The following C20orf203 variants were observed in gnomAD, a reference collection of about 807,000 sequenced individuals.
The protein encoded by C20orf203 is uncharacterized protein C20orf203.
In C20orf203, 16 loss-of-function variants were observed where a neutral mutation model predicts 15.9. The observed-to-expected ratio is 1.01, with a 90% CI of 0.68 to 1.53. The LOEUF is 1.53. Ranked by LOEUF, C20orf203 falls within the 40% of genes most tolerant of loss-of-function variation. The probability of loss-of-function intolerance (pLI) is 0.00; values close to 1 mark genes in which losing one functional copy is unlikely to be tolerated. For synonymous variants in C20orf203, 98 were observed against 97.2 expected (o/e 1.01, Z -0.05); for missense variants, 263 against 247.5 (o/e 1.06, Z -0.42).
At chr20:32,669,593 A>G (rs912565973) in intron 1 of C20orf203, among the ~76,000 whole-genome samples, 27 of 152,218 alleles carry the variant, frequency 1.8e-4, no homozygotes, top group Non-Finnish European at 3.2e-4. Context: ...ATGGTGCTGG[A>G]AAAACTGGAT....
intron 1 of C20orf203, among the ~76,000 whole-genome samples, chr20:32,656,048 G>C (rs112085225): frequency 1.1e-4 from 17 of 152,278 alleles, no homozygotes; most frequent in African/African-American, 4.1e-4. Flanking sequence ...TGCTCACACT[G>C]GCTCCCCTTT....
intron 1 of C20orf203, among the ~76,000 whole-genome samples, chr20:32,653,260 T>C (rs1405723725): frequency 6.6e-6 from 1 of 152,150 alleles, no homozygotes; most frequent in Non-Finnish European, 1.5e-5. Context: ...CTGCCTACAG[T>C]TGCACAGCCA....
intron 4 of C20orf203, among the ~76,000 whole-genome samples, chr20:32,647,977 T>TA (rs1449466886): frequency 6.6e-6 from 1 of 152,182 alleles, no homozygotes; most frequent in South Asian, 2.1e-4. Context: ...CTAGGCAAGC[T>TA]AACCCCTACC....
chr20:32,653,025 G>T (rs527477840), intron 1 of C20orf203, among the ~76,000 whole-genome samples: 1 of 152,314 alleles, frequency 6.6e-6, no homozygotes, highest in East Asian at 1.9e-4. Flanking sequence ...AGCAGCTCCT[G>T]GAAAATAGGC....
chr20:32,652,912 A>G (rs1982670863), intron 1 of C20orf203, among the ~76,000 whole-genome samples: 1 of 152,146 alleles, frequency 6.6e-6, no homozygotes, highest in Non-Finnish European at 1.5e-5. Context: ...GTGCTAGGTC[A>G]CTGGCCTTGG....
intron 1 of C20orf203, among the ~76,000 whole-genome samples, chr20:32,667,736 T>C (rs1250887256): frequency 6.6e-6 from 1 of 152,158 alleles, no homozygotes; most frequent in African/African-American, 2.4e-5. Context: ...AGTGGGGCAA[T>C]CTCGGCTCAC....
chr20:32,663,342 G>A (rs1982941410), intron 1 of C20orf203, among the ~76,000 whole-genome samples: 1 of 151,688 alleles, frequency 6.6e-6, no homozygotes, highest in African/African-American at 2.4e-5. Context: ...AAAAAAGAAT[G>A]GCTAAATAAA....
At chr20:32,638,223 A>G (rs1164422527) in intron 5 of C20orf203, among the ~76,000 whole-genome samples, 1 of 152,188 alleles carries the variant, frequency 6.6e-6, no homozygotes, top group African/African-American at 2.4e-5. Context: ...CATGGCCAAC[A>G]TATATTGAAC....
chr20:32,663,316 A>C (rs986965724), intron 1 of C20orf203, among the ~76,000 whole-genome samples: 4 of 151,286 alleles, frequency 2.6e-5, no homozygotes, highest in Non-Finnish European at 1.5e-5. Flanking sequence ...AGTCAAAATA[A>C]GAGAATGAGA....
At chr20:32,643,625 C>CCACACACACACACACA (rs56325748) in intron 4 of C20orf203, among the ~76,000 whole-genome samples, 2 of 140,742 alleles carry the variant, frequency 1.4e-5, no homozygotes, top group Admixed American at 7.2e-5. Flanking sequence ...CTTCCTGGAA[C>CCACACACACACACACA]CACACACACA....
intron 1 of C20orf203, among the ~76,000 whole-genome samples, chr20:32,670,796 C>T (rs1002166583): frequency 1.3e-5 from 2 of 152,026 alleles, no homozygotes; most frequent in African/African-American, 2.4e-5. Context: ...CTCACCATTG[C>T]ATTCCAGCCT....
chr20:32,658,779 G>A (rs532425840), intron 1 of C20orf203, among the ~76,000 whole-genome samples: 1 of 152,242 alleles, frequency 6.6e-6, no homozygotes, highest in South Asian at 2.1e-4. Flanking sequence ...GGGAGATGGA[G>A]CAGGAGAAGA....
Position 32,648,428 on chromosome 20 carries a change from C to CTTTTTTTTTT in C20orf203, c.*1177+817_*1177+826dup, listed in dbSNP as rs56838832. On this transcript the variant is annotated intron_variant, in intron 4 of 5. Transcript: ENST00000608990. Reference sequence around the variant, plus strand: ...GGCACTAACCATTGCCTGAAACTGTCTTTTTTTTTTTTTTTTTTTTTTTTT... The same window carrying CTTTTTTTTTT: ...GGCACTAACCATTGCCTGAAACTGTCTTTTTTTTTTTTTTTTTTTTTTTTTTTTTTTTTTT... 7.5e-5 allele frequency among the ~76,000 whole-genome samples: 6 copies of CTTTTTTTTTT among 80,392 alleles called. 1 individual carries two copies. Among genetic ancestry groups the CTTTTTTTTTT allele is most frequent in the African/African-American group, 3.0e-4 (6 of 20,216 alleles). 52.7% of individuals were successfully genotyped at this position (80,392 alleles called of 152,430 possible).
intron 1 of C20orf203, among the ~76,000 whole-genome samples, chr20:32,660,291 A>G (rs1432551946): frequency 6.6e-6 from 1 of 152,188 alleles, no homozygotes; most frequent in African/African-American, 2.4e-5. Flanking sequence ...CAGCAGGAGA[A>G]AGGACACTGA....
rs918083481 is a variant in C20orf203 at position 32,652,624 on chromosome 20, C to T, written c.-263-643G>A. Among the ~76,000 whole-genome samples, 4 of 151,460 alleles carry T rather than the reference C, an allele frequency of 2.6e-5. No individual in the cohort carries two copies. In the South Asian group the frequency reaches 6.3e-4, roughly 24 times the overall value. ...TCTATCCTGGAGGTATCTAGGAGTC[C>T]CGGATGCTGTGGTTTTTGGAGACTA... On this transcript the variant is annotated intron_variant, in intron 1 of 5. Transcript: ENST00000608990.
chr20:32,670,079 G>A (rs1430773697), intron 1 of C20orf203, among the ~76,000 whole-genome samples: 10 of 152,162 alleles, frequency 6.6e-5, no homozygotes, highest in Non-Finnish European at 1.3e-4. Context: ...GCGTGTGCCT[G>A]TAATCCCATA....
intron 4 of C20orf203, among the ~76,000 whole-genome samples, chr20:32,646,078 C>G (rs1369580131): frequency 6.6e-6 from 1 of 151,568 alleles, no homozygotes; most frequent in Non-Finnish European, 1.5e-5. Context: ...CTTAACCTGT[C>G]TGTGTCTCTG....
chr20:32,664,977 C>T (rs1273226854), intron 1 of C20orf203, among the ~76,000 whole-genome samples: 1 of 152,226 alleles, frequency 6.6e-6, no homozygotes, highest in African/African-American at 2.4e-5. Context: ...GCTGCCCCAG[C>T]AAAGCCCAAA....
In C20orf203 at chr20:32,651,168, T is replaced by TA. The variant is rs11313159; in HGVS notation, c.-14-3dup. ...TAGGAAACATAGGAGACCCTCTCTC[T>TA]AAAAAAAAAAAAAAAAAAAAAAAAA... On this transcript the variant is annotated splice_polypyrimidine_tract_variant and splice_region_variant and intron_variant, in intron 2 of 5. Transcript: ENST00000608990. The TA allele has an allele frequency of 0.029, 8,706 of 295,178 alleles. 98 individuals carry two copies. The highest frequency in any genetic ancestry group is 0.093 in the East Asian group (1,954 of 21,032). The allele number at this position is 295,178 out of a possible 1,614,324, so 18.3% of individuals were successfully genotyped here.
Sources: allele counts gnomAD v4.1 joint callset (sites outside exome capture counted in the v4.1 genomes callset), GRCh38; gene constraint gnomAD v4.1.1; transcripts MANE v1.5; gene names NCBI Gene and HGNC (gene_info 2026-07-23, HGNC 2026-07-21).